Variants in DNM2 observed in about 807,000 individuals in gnomAD.
The protein encoded by DNM2 is dynamin-2.
A neutral mutation model predicts 99.0 loss-of-function variants in DNM2; 15 were observed. That is an observed-to-expected ratio of 0.15 (90% CI 0.10 to 0.23). The LOEUF (loss-of-function observed/expected upper bound fraction) is 0.23. Among genes scored for constraint, DNM2 ranks in the 10% least tolerant of loss-of-function variants. DNM2 has a pLI of 1.00. For synonymous variants in DNM2, 525 were observed against 481.2 expected, an observed-to-expected ratio of 1.09 and a Z score of -1.19; for missense variants, 742 against 1,189.4, an observed-to-expected ratio of 0.62 and a Z score of 5.53.
chr19:10,787,746 C>T (rs1315298718), intron 7 of DNM2, among the ~76,000 whole-genome samples: 1 of 123,730 alleles, frequency 8.1e-6, no homozygotes, highest in Non-Finnish European at 1.6e-5. Flanking sequence ...TCGAGCAAGA[C>T]TGTCTCAAAA....
chr19:10,791,766 G>A (rs1156455072), intron 7 of DNM2, among the ~76,000 whole-genome samples: 1 of 151,844 alleles, frequency 6.6e-6, no homozygotes, highest in Non-Finnish European at 1.5e-5. Flanking sequence ...TGCTGACCTT[G>A]GTCCTGGTTT....
intron 1 of DNM2, among the ~76,000 whole-genome samples, chr19:10,724,528 G>A (rs1164490613): frequency 6.6e-6 from 1 of 152,190 alleles, no homozygotes; most frequent in Non-Finnish European, 1.5e-5. Context: ...GCAGAGCCTT[G>A]AAGGAGGCGA....
Position 10,824,658 on chromosome 19 carries a change from C to T in DNM2, c.1894-399C>T, listed in dbSNP as rs1365285198. On this transcript the variant is annotated intron_variant, in intron 17 of 20. Coordinates refer to ENST00000389253, the MANE Select transcript of DNM2 (RefSeq NM_001005361.3). Reference sequence around the variant, plus strand: ...TTCTCTCCAAAAAATACAAACATACCCAGGCATGGTGGCGCACCCCTGTAA... The same window carrying T: ...TTCTCTCCAAAAAATACAAACATACTCAGGCATGGTGGCGCACCCCTGTAA... The T allele has an allele frequency of 1.2e-5, 3 of 250,640 alleles. No individual in the cohort carries two copies. The Admixed American group carries it at 1.5e-4, about 12-fold the overall frequency. The allele number at this position is 250,640 out of a possible 1,614,324, so 15.5% of individuals were successfully genotyped here.
chr19:10,762,930 A>C (rs1044328826), intron 2 of DNM2, among the ~76,000 whole-genome samples: 1 of 152,106 alleles, frequency 6.6e-6, no homozygotes, highest in African/African-American at 2.4e-5. Context: ...GTGGAGGTGG[A>C]TGCATAGTTG....
At chr19:10,731,972 G>C (rs1466696409) in intron 1 of DNM2, among the ~76,000 whole-genome samples, 3 of 102,940 alleles carry the variant, frequency 2.9e-5, no homozygotes, top group Admixed American at 2.0e-4. Flanking sequence ...TTTTTTTTTT[G>C]AGACGGAGTT....
At chr19:10,802,423 G>A in intron 12 of DNM2, 65 bp downstream of exon 12, 1 of 1,565,282 alleles carries the variant, frequency 6.4e-7, no homozygotes, top group Non-Finnish European at 8.8e-7. Flanking sequence ...CCAAGGAGGT[G>A]ACTGAGTTGG....
chr19:10,783,158 G>C (rs1184293354), intron 6 of DNM2, 38 bp downstream of exon 6: 2 of 1,602,814 alleles, frequency 1.2e-6, no homozygotes, highest in Non-Finnish European at 8.5e-7. Flanking sequence ...CAGTGGCATA[G>C]GCTGTGCACT....
At chr19:10,786,495 G>T (rs2071563814) in intron 6 of DNM2, 69 bp from the exon 7 acceptor site, 2 of 1,609,484 alleles carry the variant, frequency 1.2e-6, no homozygotes, top group Non-Finnish European at 8.5e-7. Context: ...TGGTTGGGGG[G>T]AGTGTGTCTG....
At position 10,775,624 on chromosome 19, in the gene DNM2, G is replaced by A. The variant is rs2071128404; in HGVS notation, c.386-79G>A. 6.5e-7 allele frequency: 1 copy of A among 1,539,540 alleles called. No individual in the cohort carries two copies. On this transcript the variant is annotated intron_variant, in intron 3 of 20. Transcript: ENST00000389253. The surrounding 1 kb of genome is among the most constrained non-coding windows in gnomAD (Gnocchi z 4.3). The stretch of plus-strand genomic sequence containing the variant: ...TGAGCCCCGCGCAGGAACTTTGGTA[G>A]TCAGCTGGGTGGCTGCGGGCCTGTT...
chr19:10,744,722 C>T (rs555341070), intron 1 of DNM2, among the ~76,000 whole-genome samples: 1 of 152,262 alleles, frequency 6.6e-6, no homozygotes, highest in Admixed American at 6.5e-5. Flanking sequence ...CCAGTCCTCA[C>T]CACAACCGTT....
At chr19:10,773,145 A>G (rs1357681480) in intron 3 of DNM2, among the ~76,000 whole-genome samples, 3 of 78,880 alleles carry the variant, frequency 3.8e-5, no homozygotes, top group Non-Finnish European at 6.9e-5. Flanking sequence ...ACACCCAGCT[A>G]ATTTTTTTTT....
chr19:10,741,365 G>T (rs1400815163), intron 1 of DNM2, among the ~76,000 whole-genome samples: 3 of 151,950 alleles, frequency 2.0e-5, no homozygotes, highest in Non-Finnish European at 4.4e-5. Context: ...CCGAGTAGCT[G>T]GGACCACAGG....
At chr19:10,790,808 C>T (rs1306567955) in intron 7 of DNM2, among the ~76,000 whole-genome samples, 1 of 152,114 alleles carries the variant, frequency 6.6e-6, no homozygotes, top group East Asian at 1.9e-4. Context: ...GCCTTGTTGC[C>T]CAGGCTAGAG....
At position 10,782,950 on chromosome 19, in the gene DNM2, C is replaced by T; in HGVS notation, c.689-10C>T. 1 of 1,614,074 alleles carries T rather than the reference C, an allele frequency of 6.2e-7. No homozygotes were observed. The highest frequency in any genetic ancestry group is 8.5e-7 in the Non-Finnish European group (1 of 1,180,034). On this transcript the variant is annotated splice_polypyrimidine_tract_variant and intron_variant, in intron 5 of 20. Coordinates refer to ENST00000389253, the MANE Select transcript of DNM2 (RefSeq NM_001005361.3). ...AGCTTTGCCCCTGACCTGACTGCCT[C>T]TCCCCACAGGCTACATTGGCGTGGT...
chr19:10,727,341 G>A (rs1707259005), intron 1 of DNM2, among the ~76,000 whole-genome samples: 2 of 151,768 alleles, frequency 1.3e-5, no homozygotes, highest in Admixed American at 6.6e-5. Context: ...GATTTAGAGA[G>A]GAGGTTTTCT....
chr19:10,773,419 T>A (rs1014694522), intron 3 of DNM2, among the ~76,000 whole-genome samples: 2 of 150,138 alleles, frequency 1.3e-5, no homozygotes, highest in African/African-American at 4.9e-5. Context: ...AATGCTGGGA[T>A]TACAGACGTG....
chr19:10,745,557 C>T (rs1348901788), intron 1 of DNM2, among the ~76,000 whole-genome samples: 2 of 152,138 alleles, frequency 1.3e-5, no homozygotes, highest in African/African-American at 2.4e-5. Context: ...GTTAGCTGGG[C>T]GTGGTGGCAA....
intron 7 of DNM2, 153 bp downstream of exon 7, chr19:10,786,859 A>C: frequency 6.8e-7 from 1 of 1,472,740 alleles, no homozygotes; most frequent in Non-Finnish European, 9.2e-7. Flanking sequence ...CTCCATCCTA[A>C]GCATGGCATT....
At chr19:10,773,896 G>A (rs549909723) in intron 3 of DNM2, among the ~76,000 whole-genome samples, 4 of 152,232 alleles carry the variant, frequency 2.6e-5, no homozygotes, top group Non-Finnish European at 5.9e-5. Flanking sequence ...ACAGGTTTTA[G>A]CCACCTTGCC....
Sources: gnomAD v4.1 joint callset for allele counts (sites outside exome capture counted in the v4.1 genomes callset) on GRCh38, gnomAD v4.1.1 for gene constraint, Gnocchi (gnomAD v3.1) non-coding constraint, MANE v1.5 for transcripts, NCBI Gene and HGNC (gene_info 2026-07-23, HGNC 2026-07-21) for gene names.